The following SLC44A1 variants were observed in gnomAD, a reference collection of about 807,000 sequenced individuals.
The protein encoded by SLC44A1 is choline transporter-like protein 1.
Under a neutral mutation model 79.3 loss-of-function variants are expected in SLC44A1, and 26 were observed. The ratio of observed to expected loss-of-function variants is 0.33; its 90% CI spans 0.24 to 0.46. SLC44A1 has a LOEUF of 0.46. SLC44A1 is among the 20% of genes least tolerant of loss of function. The pLI, the probability that SLC44A1 is intolerant of heterozygous loss-of-function variation, is 1.00. For synonymous variants in SLC44A1, 263 were observed against 286.2 expected (o/e 0.92, Z 0.82); for missense variants, 688 against 798.1 (o/e 0.86, Z 1.66).
intron 15 of SLC44A1, chr9:105,438,208 G>C: frequency 7.8e-7 from 1 of 1,281,704 alleles, no homozygotes; most frequent in Non-Finnish European, 1.1e-6. Flanking sequence ...ACTATTTCTA[G>C]TTATTGATTA....
chr9:105,374,783 A>G (rs374436895), intron 13 of SLC44A1, 48 bp downstream of exon 13: 92 of 1,444,556 alleles, frequency 6.4e-5, no homozygotes, highest in Admixed American at 4.1e-4. Context: ...TTTTGCATAT[A>G]TTTATTTGCT....
rs142817213 is a variant in SLC44A1, at chr9:105,363,006, C to T, written c.1086C>T (p.Thr362=). ...WIMTLLFLGT[T]GSPVQNEQGF... Reference sequence around the variant, plus strand: ...TGACACTTCTTTTTCTTGGCACTACCGGTAAGAAGATAAGCTTCTTTCTCT... The same window carrying T: ...TGACACTTCTTTTTCTTGGCACTACTGGTAAGAAGATAAGCTTCTTTCTCT... Residue 362 remains threonine, a splice_region_variant and synonymous_variant, in exon 9 of 16, where the codon ACC becomes ACT. Coordinates refer to ENST00000374720, the MANE Select transcript of SLC44A1 (RefSeq NM_080546.5). 2.4e-5 allele frequency: 38 copies of T among 1,596,892 alleles called. No homozygotes were observed. The highest frequency in any genetic ancestry group is 8.1e-5 in the African/African-American group (6 of 73,880).
chr9:105,402,339 G>A (rs576799206), downstream of SLC44A1, among the ~76,000 whole-genome samples: 1 of 152,252 alleles, frequency 6.6e-6, no homozygotes, highest in East Asian at 1.9e-4. Context: ...AATCCAACAG[G>A]CTTGGTGACT....
At chr9:105,415,492 C>T (rs1005855943) in intron 15 of SLC44A1, among the ~76,000 whole-genome samples, 1 of 152,190 alleles carries the variant, frequency 6.6e-6, no homozygotes, top group Non-Finnish European at 1.5e-5. Context: ...GGGACGGAAC[C>T]TTAGAGGGAG....
intron 15 of SLC44A1, among the ~76,000 whole-genome samples, chr9:105,387,716 G>A (rs1319119819): frequency 6.6e-6 from 1 of 152,104 alleles, no homozygotes; most frequent in African/African-American, 2.4e-5. Flanking sequence ...AATATTTCGA[G>A]GTTGAAGACT....
chr9:105,342,757 G>A (rs1347561712), intron 4 of SLC44A1, among the ~76,000 whole-genome samples: 1 of 152,124 alleles, frequency 6.6e-6, no homozygotes, highest in East Asian at 1.9e-4. Flanking sequence ...TTTATTGGTA[G>A]CTATTGTATG....
intron 3 of SLC44A1, among the ~76,000 whole-genome samples, chr9:105,315,045 T>G (rs1236214720): frequency 6.6e-6 from 1 of 152,180 alleles, no homozygotes; most frequent in Non-Finnish European, 1.5e-5. Context: ...AATTCCAGTT[T>G]CCCACCTTTT....
Position 105,395,631 on chromosome 9 carries a change from G to T in SLC44A1, c.*6575G>T. The T allele has an allele frequency of 1.0e-6, 1 of 985,204 alleles. No homozygotes were observed. Among genetic ancestry groups the T allele is most frequent in the Non-Finnish European group, 1.2e-6 (1 of 829,744 alleles). 61.0% of individuals were successfully genotyped at this position (985,204 alleles called of 1,614,324 possible). The stretch of plus-strand genomic sequence containing the variant: ...CAGTCTAAGTATCTAAATGTGATAT[G>T]CCCTTTTGTCACAGAAGTGTAAGAC... On this transcript the variant is annotated 3_prime_UTR_variant, in exon 16 of 16. Transcript: ENST00000374720.
intron 2 of SLC44A1, chr9:105,299,598 C>A: frequency 3.5e-6 from 1 of 286,034 alleles, no homozygotes; most frequent in Non-Finnish European, 6.2e-6. Context: ...GAGTCATGAG[C>A]CCTGCATATT....
intron 1 of SLC44A1, among the ~76,000 whole-genome samples, chr9:105,267,482 A>G (rs1829987897): frequency 6.6e-6 from 1 of 152,068 alleles, no homozygotes; most frequent in South Asian, 2.1e-4. Context: ...TTACCATTTA[A>G]AAGTATTTTT....
rs1028131988 is a variant in SLC44A1 at position 105,386,154 on chromosome 9, A to G, written c.1950+652A>G. On this transcript the variant is annotated intron_variant, in intron 15 of 15. Transcript: ENST00000374720. ...TTATTTCTGGTAGTTGATATTATATATGTATATGTACACAAATATATCTCT... is the reference window on the plus strand; with the variant it reads ...TTATTTCTGGTAGTTGATATTATATGTGTATATGTACACAAATATATCTCT... The G allele has an allele frequency of 2.3e-5, 22 of 973,660 alleles. No individual in the cohort carries two copies. In the East Asian group the frequency reaches 8.0e-4, roughly 35 times the overall value. 60.3% of individuals were successfully genotyped at this position (973,660 alleles called of 1,614,324 possible).
intron 4 of SLC44A1, among the ~76,000 whole-genome samples, chr9:105,342,535 G>A (rs550921354): frequency 4.5e-4 from 68 of 152,238 alleles, no homozygotes; most frequent in South Asian, 2.1e-3. Flanking sequence ...TCTCAGCCCA[G>A]CCATACCAAG....
intron 15 of SLC44A1, among the ~76,000 whole-genome samples, chr9:105,425,085 TATATTC>T (rs1207327425): frequency 3.9e-5 from 6 of 152,196 alleles, no homozygotes; most frequent in Non-Finnish European, 7.3e-5. Context: ...GTATGTAGTA[TATATTC>T]ATATTTTAAA....
chr9:105,387,247 TG>T (rs1463300531), intron 15 of SLC44A1, among the ~76,000 whole-genome samples: 2 of 151,708 alleles, frequency 1.3e-5, no homozygotes, highest in African/African-American at 4.8e-5. Context: ...GTGCCTATTT[TG>T]GTGTTACTCT....
intron 15 of SLC44A1, among the ~76,000 whole-genome samples, chr9:105,418,106 A>G (rs1475472369): frequency 6.6e-6 from 1 of 152,098 alleles, no homozygotes; most frequent in Non-Finnish European, 1.5e-5. Flanking sequence ...ACCTGAGGTC[A>G]GGAGTTCAAG....
At chr9:105,325,114 A>G (rs184737805) in intron 3 of SLC44A1, among the ~76,000 whole-genome samples, 261 of 152,368 alleles carry the variant, frequency 1.7e-3, no homozygotes, top group Non-Finnish European at 2.6e-3. Context: ...ATGTACATCA[A>G]CTGATGACAG....
At chr9:105,366,822 A>G (rs1827955988) in intron 12 of SLC44A1, among the ~76,000 whole-genome samples, 1 of 152,106 alleles carries the variant, frequency 6.6e-6, no homozygotes, top group African/African-American at 2.4e-5. Context: ...GGCTATGATT[A>G]CCCTTTCATT....
chr9:105,359,703 ATTTTCTTC>A (rs1827725698), intron 7 of SLC44A1, among the ~76,000 whole-genome samples: 1 of 151,926 alleles, frequency 6.6e-6, no homozygotes, highest in South Asian at 2.1e-4. Flanking sequence ...TAGGAAACAT[ATTTTCTTC>A]CATTTTCTGA....
Position 105,389,659 on chromosome 9 carries a change from A to G in SLC44A1, c.*603A>G. ...TTTCATAATAGTTCATACATTTGTC[A>G]GCCAACATTAAAAGGTAACCAACTC... On this transcript the variant is annotated 3_prime_UTR_variant, in exon 16 of 16. Coordinates refer to ENST00000374720, the MANE Select transcript of SLC44A1 (RefSeq NM_080546.5). 2 of 1,232,050 alleles carry G rather than the reference A, an allele frequency of 1.6e-6. No individual in the cohort carries two copies. Among genetic ancestry groups the G allele is most frequent in the Non-Finnish European group, 2.0e-6 (2 of 986,474 alleles). 76.3% of individuals were successfully genotyped at this position (1,232,050 alleles called of 1,614,324 possible).
Sources: allele counts gnomAD v4.1 joint callset (sites outside exome capture counted in the v4.1 genomes callset), GRCh38; gene constraint gnomAD v4.1.1; transcripts MANE v1.5; gene names NCBI Gene and HGNC (gene_info 2026-07-23, HGNC 2026-07-21).